Variants in AGRN observed in about 807,000 individuals in gnomAD.
The protein encoded by AGRN is agrin proteoglycan.
AGRN carries 106 observed loss-of-function variants against 211.0 expected under a neutral mutation model. That is an observed-to-expected ratio of 0.50 (90% CI 0.43 to 0.59). The LOEUF is 0.59. Ranked by LOEUF, AGRN falls within the 20% of genes least tolerant of loss-of-function variation. The pLI is 0.00. For synonymous variants in AGRN, 1,525 were observed against 1,332.5 expected (o/e 1.14, Z -3.15); for missense variants, 3,040 against 2,982.6 (o/e 1.02, Z -0.45).
rs1570221889 is a variant in AGRN, at chr1:1,046,154, C to T, written c.2806-6C>T. On this transcript the variant is annotated splice_polypyrimidine_tract_variant and splice_region_variant and intron_variant, in intron 16 of 35. Coordinates refer to ENST00000379370, the MANE Select transcript of AGRN (RefSeq NM_198576.4). ...TCGCCTTGAACATCCTTGTTCTCTG[C>T]CCCAGGTCTGTGGGTCAGATGGAGT... 1.9e-6 allele frequency: 3 copies of T among 1,613,918 alleles called. No individual in the cohort carries two copies. Among genetic ancestry groups the T allele is most frequent in the Non-Finnish European group, 1.7e-6 (2 of 1,179,992 alleles).
At chr1:1,042,628 C>G (rs539836141) in intron 7 of AGRN, among the ~76,000 whole-genome samples, 21 of 152,308 alleles carry the variant, frequency 1.4e-4, no homozygotes, top group Admixed American at 5.2e-4. Context: ...GTCTTTCTCT[C>G]TGCGTCTGTC....
In AGRN at chr1:1,020,127, T is replaced by A. The variant is rs1644361756; in HGVS notation, c.-46T>A. On this transcript the variant is annotated 5_prime_UTR_variant, in exon 1 of 36. Coordinates refer to ENST00000379370, the MANE Select transcript of AGRN (RefSeq NM_198576.4). ...CTGCGTCCCGTCCTGTCCAGTCCCG[T>A]CCCCGGCGCGGCCCGCGCGCTCCTC... 2 of 943,580 alleles carry A rather than the reference T, an allele frequency of 2.1e-6. No individual in the cohort carries two copies. 58.5% of individuals were successfully genotyped at this position (943,580 alleles called of 1,614,324 possible). A position where few individuals can be genotyped will look rare whatever the true frequency, so the allele number is the denominator to read the frequency against.
At position 1,041,509 on chromosome 1, in the gene AGRN, C is replaced by T; in HGVS notation, c.984C>T (p.Ser328=). 2 of 1,599,570 alleles carry T rather than the reference C, an allele frequency of 1.3e-6. No homozygotes were observed. Among genetic ancestry groups the T allele is most frequent in the East Asian group, 2.2e-5 (1 of 44,738 alleles). Residue 328 remains serine, a synonymous_variant, in exon 6 of 36, where the codon AGC becomes AGT. Transcript: ENST00000379370. ...DPCQGALPDP[S]RSCRVNPRTR... is the part of the protein sequence containing the mutation. ...GTCAGGGCGCCCTCCCTGACCCGAG[C>T]CGCAGCTGCCGTGTGAACCCGCGCA...
chr1:1,023,113 G>A (rs781315248), intron 2 of AGRN, among the ~76,000 whole-genome samples: 50 of 152,138 alleles, frequency 3.3e-4, no homozygotes, highest in African/African-American at 9.2e-4. Context: ...GGTCCCTGTC[G>A]CCCCCACATC....
intron 19 of AGRN, 163 bp downstream of exon 19, chr1:1,047,120 C>G (rs957483308): frequency 1.4e-6 from 2 of 1,380,236 alleles, no homozygotes. Flanking sequence ...CCGTCTCTCT[C>G]GTTGCAAGCC....
intron 2 of AGRN, among the ~76,000 whole-genome samples, chr1:1,026,187 C>T (rs1644517991): frequency 6.6e-6 from 1 of 152,156 alleles, no homozygotes; most frequent in African/African-American, 2.4e-5. Context: ...TTCCTGCAGA[C>T]TAGAGAGGGA....
chr1:1,021,017 G>T (rs963371282), intron 1 of AGRN, among the ~76,000 whole-genome samples: 1 of 152,102 alleles, frequency 6.6e-6, no homozygotes, highest in Non-Finnish European at 1.5e-5. Context: ...AGCCCCCGGG[G>T]TAGGTACGCT....
At chr1:1,054,713 G>A (rs1645404901) in intron 35 of AGRN, 111 bp from the exon 36 acceptor site, 3 of 1,497,020 alleles carry the variant, frequency 2.0e-6, no homozygotes, top group South Asian at 2.4e-5. Context: ...AGTGCTGTGG[G>A]GCCGGGAGGC....
At chr1:1,050,969 G>T in intron 30 of AGRN, 132 bp downstream of exon 30, 2 of 1,549,962 alleles carry the variant, frequency 1.3e-6, no homozygotes, top group East Asian at 2.4e-5. Context: ...CCTGTCCTCT[G>T]CCTCCTCTGC....
In AGRN at chr1:1,045,399, C is replaced by A; in HGVS notation, c.2412C>A (p.Thr804=). The A allele has an allele frequency of 6.2e-7, 1 of 1,611,252 alleles. No homozygotes were observed. The highest frequency in any genetic ancestry group is 1.1e-5 in the South Asian group (1 of 91,062). ...QCNPHGSYGG[T]CDPATGQCSC... Reference sequence around the variant, plus strand: ...ACCCCCATGGCTCTTACGGCGGCACCTGTGACCCAGCCACAGGCCAGTGCT... The same window carrying A: ...ACCCCCATGGCTCTTACGGCGGCACATGTGACCCAGCCACAGGCCAGTGCT... Residue 804 remains threonine, a synonymous_variant, in exon 14 of 36, where the codon ACC becomes ACA. Transcript: ENST00000379370.
intron 7 of AGRN, 42 bp from the exon 8 acceptor site, chr1:1,043,196 AG>A (rs34396893): frequency 2.6e-6 from 4 of 1,554,968 alleles, no homozygotes; most frequent in East Asian, 2.4e-5. Flanking sequence ...CCTGCAGCGG[AG>A]GGGGGGCTTG....
Position 1,045,388 on chromosome 1 carries a change from T to TA in AGRN, c.2402dup (p.Tyr801Ter). ...CTGCCAGTGCAACCCCCATGGCTCT[T>TA]ACGGCGGCACCTGTGACCCAGCCAC... is the stretch of plus-strand genomic sequence containing the variant. ...SACQCNPHGS[Y>*]GGTCDPATGQ... The change falls in exon 14 of 36, where the codon TAC (tyrosine) becomes TAAC (stop). Residue 801 changes from tyrosine to a stop codon, truncating the protein, a stop_gained and frameshift_variant. Coordinates refer to ENST00000379370, the MANE Select transcript of AGRN (RefSeq NM_198576.4). LOFTEE classifies it high-confidence loss of function. The TA allele has an allele frequency of 6.2e-7, 1 of 1,611,048 alleles. No homozygotes were observed. The highest frequency in any genetic ancestry group is 8.5e-7 in the Non-Finnish European group (1 of 1,179,794).
rs1367719443 is a variant in AGRN, at chr1:1,051,322, G to T, written c.5323G>T (p.Ala1775Ser). 1.3e-6 allele frequency: 2 copies of T among 1,568,534 alleles called. No homozygotes were observed. The highest frequency in any genetic ancestry group is 1.7e-6 in the Non-Finnish European group (2 of 1,157,638). The change falls in exon 31 of 36, where the codon GCC (alanine) becomes TCC (serine). Residue 1775 changes from alanine (A) to serine (S), a missense_variant. This residue lies in a region of AGRN where 1,537 missense variants were observed against 1,505.0 expected (regional missense o/e 1.02). Transcript: ENST00000379370. ...GGGCGCTCCCGACTTCAGCAAGCTG[G>T]CCCGTGCTGCTGCCGTGTCCTCTGG... The part of the protein sequence containing the change: ...VGGAPDFSKL[A>S]RAAAVSSGFD...
At position 1,044,374 on chromosome 1, in the gene AGRN, AGCTGAAGAAG is replaced by A. The variant is rs1180189704; in HGVS notation, c.2192_2201del (p.Leu731ProfsTer11). The A allele has an allele frequency of 6.2e-7, 1 of 1,612,430 alleles. No individual in the cohort carries two copies. The highest frequency in any genetic ancestry group is 8.5e-7 in the Non-Finnish European group (1 of 1,179,780). On this transcript the variant is annotated frameshift_variant, in exon 12 of 36. Transcript: ENST00000379370. LOFTEE classifies it high-confidence loss of function. ...GGGGTCACCTACAGCACCGAGTGTG[AGCTGAAGAAG>A]GCCAGGTGTGAGTCACAGCGAGGGC...
intron 3 of AGRN, among the ~76,000 whole-genome samples, chr1:1,036,172 C>T (rs60576723): frequency 6.6e-6 from 1 of 152,268 alleles, no homozygotes; most frequent in East Asian, 1.9e-4. Context: ...GAAGGACGAC[C>T]TGGGGAATCC....
At chr1:1,050,100 G>C (rs952879800) in intron 27 of AGRN, 63 bp downstream of exon 27, 15 of 1,569,154 alleles carry the variant, frequency 9.6e-6, no homozygotes, top group Non-Finnish European at 1.2e-5. Context: ...GGCGGGTACA[G>C]GTTCCAGGTA....
intron 13 of AGRN, 26 bp downstream of exon 13, chr1:1,045,303 C>T (rs372836488): frequency 6.8e-5 from 109 of 1,611,982 alleles, no homozygotes; most frequent in Non-Finnish European, 8.4e-5. Context: ...CAGCCCCGAC[C>T]CCGGGCCTGG....
chr1:1,048,421 T>TTG lies in AGRN; in HGVS notation c.4105+56_4105+57insTG. On this transcript the variant is annotated intron_variant, in intron 23 of 35. Transcript: ENST00000379370. This position sits in a 1 kb window ranked among gnomAD's most constrained non-coding sequence, Gnocchi z 5.9. ...GAGGCAGCAGGGTGGGGGCAAGGAT[T>TTG]GGGGGTGGGGCTAAGCCACCATCAG... 4.4e-6 allele frequency: 3 copies of TTG among 685,194 alleles called. No individual in the cohort carries two copies. Among genetic ancestry groups the TTG allele is most frequent in the Non-Finnish European group, 7.1e-6 (3 of 420,592 alleles). The allele number at this position is 685,194 out of a possible 1,614,324, so 42.4% of individuals were successfully genotyped here.
chr1:1,035,270 C>T lies in AGRN; in HGVS notation c.464-7C>T, dbSNP rs753696645. 101 of 1,612,660 alleles carry T rather than the reference C, an allele frequency of 6.3e-5. No homozygotes were observed. In the East Asian group the frequency reaches 2.1e-3, roughly 33 times the overall value. On this transcript the variant is annotated splice_polypyrimidine_tract_variant and splice_region_variant and intron_variant, in intron 2 of 35. Transcript: ENST00000379370. ...GGAGCCTAACTTGGGGATTTGTTTT[C>T]TTCCAGATAAACCCGGGACCCACTT...
Sources: allele counts gnomAD v4.1 joint callset (sites outside exome capture counted in the v4.1 genomes callset), GRCh38; gene constraint gnomAD v4.1.1; regional missense constraint gnomAD v4.1.1; non-coding constraint Gnocchi (gnomAD v3.1); transcripts MANE v1.5; gene names NCBI Gene and HGNC (gene_info 2026-07-23, HGNC 2026-07-21).